The following ABRAXAS2 variants were observed in gnomAD, a reference collection of about 807,000 sequenced individuals.
ABRAXAS2 encodes BRISC complex subunit Abraxas 2.
Under a neutral mutation model 49.0 loss-of-function variants are expected in ABRAXAS2, and 23 were observed. That is an observed-to-expected ratio of 0.47 (90% CI 0.34 to 0.66). ABRAXAS2 has a LOEUF of 0.66. ABRAXAS2 is among the 30% of genes least tolerant of loss of function. ABRAXAS2 has a pLI of 0.01. For missense variants in ABRAXAS2, 443 were observed against 511.9 expected, an observed-to-expected ratio of 0.87 and a Z score of 1.30; for synonymous variants, 168 against 180.2, an observed-to-expected ratio of 0.93 and a Z score of 0.54.
At position 124,834,574 on chromosome 10, in the gene ABRAXAS2, C is replaced by T. The variant is rs138211136; in HGVS notation, c.851C>T (p.Pro284Leu). Residue 284 changes from proline to leucine, a missense_variant, in exon 9 of 9, where the codon CCG (proline) becomes CTG (leucine). Physicochemically the swap from Pro to Leu is moderately conservative, Grantham distance 98. This residue lies in a region of ABRAXAS2 where 230 missense variants were observed against 237.0 expected (regional missense o/e 0.97). Coordinates refer to ENST00000298492, the MANE Select transcript of ABRAXAS2 (RefSeq NM_032182.4). ...SLDPAFSPRM[P>L]SSGFAAEGRS... The stretch of plus-strand genomic sequence containing the variant: ...GACCCAGCGTTCAGTCCTCGGATGC[C>T]GTCCTCTGGGTTTGCAGCTGAAGGC... The T allele has an allele frequency of 4.4e-4, 703 of 1,614,162 alleles. No individual in the cohort carries two copies. The highest frequency in any genetic ancestry group is 5.6e-4 in the Non-Finnish European group (655 of 1,180,042).
chr10:124,821,914 T>G (rs1387487681), intron 4 of ABRAXAS2, among the ~76,000 whole-genome samples: 2 of 152,206 alleles, frequency 1.3e-5, no homozygotes, highest in Non-Finnish European at 2.9e-5. Flanking sequence ...GAACTCTGTG[T>G]GGGGGCATGT....
chr10:124,810,353 CTG>C (rs1427840105), intron 2 of ABRAXAS2, among the ~76,000 whole-genome samples: 1 of 152,124 alleles, frequency 6.6e-6, no homozygotes, highest in Non-Finnish European at 1.5e-5. Context: ...TGGCGAGACC[CTG>C]TCTCTACAAG....
intron 4 of ABRAXAS2, among the ~76,000 whole-genome samples, chr10:124,826,256 CTTCT>C (rs571151039): frequency 1.1e-3 from 168 of 152,250 alleles, no homozygotes; most frequent in Non-Finnish European, 1.6e-3. Flanking sequence ...AACCACTGAT[CTTCT>C]TTATGTCACT....
chr10:124,835,434 C>T lies in ABRAXAS2; in HGVS notation c.*463C>T, dbSNP rs965828219. On this transcript the variant is annotated 3_prime_UTR_variant, in exon 9 of 9. Transcript: ENST00000298492. ...TCTTTCTATGATGAGCCAAATTCATCTTTGCCAGAAAAGAAATTTTGATAA... is the reference window on the plus strand; with the variant it reads ...TCTTTCTATGATGAGCCAAATTCATTTTTGCCAGAAAAGAAATTTTGATAA... The T allele has an allele frequency of 1.3e-5, 2 of 153,406 alleles. No individual in the cohort carries two copies. The highest frequency in any genetic ancestry group is 4.8e-5 in the African/African-American group (2 of 41,468). 9.5% of individuals were successfully genotyped at this position (153,406 alleles called of 1,614,324 possible). A position where few individuals can be genotyped will look rare whatever the true frequency, so the allele number is the denominator to read the frequency against.
chr10:124,811,805 C>T (rs61872094), intron 2 of ABRAXAS2, among the ~76,000 whole-genome samples: 94,502 of 152,002 alleles, frequency 0.62, 30,656 homozygotes, highest in Admixed American at 0.75. Context: ...GACGGAGTTT[C>T]GCTTTTGTTG....
chr10:124,803,597 A>G (rs1442899494), intron 1 of ABRAXAS2, among the ~76,000 whole-genome samples: 1 of 152,208 alleles, frequency 6.6e-6, no homozygotes, highest in Non-Finnish European at 1.5e-5. Context: ...TATAGACAAT[A>G]AAAGATTCAA....
intron 1 of ABRAXAS2, among the ~76,000 whole-genome samples, chr10:124,802,525 G>A (rs1157853835): frequency 6.6e-6 from 1 of 152,182 alleles, no homozygotes; most frequent in African/African-American, 2.4e-5. Flanking sequence ...ACTAGTCACA[G>A]TGAAATAGGG....
intron 4 of ABRAXAS2, among the ~76,000 whole-genome samples, chr10:124,822,611 G>T (rs1378994480): frequency 2.0e-5 from 3 of 152,096 alleles, no homozygotes; most frequent in Non-Finnish European, 1.5e-5. Context: ...TGGCTGACAT[G>T]GCAAAACCCT....
chr10:124,834,305 G>T (rs1335725453), intron 8 of ABRAXAS2, among the ~76,000 whole-genome samples, 197 bp from the exon 9 acceptor site: 2 of 152,130 alleles, frequency 1.3e-5, no homozygotes, highest in Non-Finnish European at 2.9e-5. Flanking sequence ...ATTTGTCATG[G>T]CCTTAAATGA....
chr10:124,822,417 A>G (rs1360590230), intron 4 of ABRAXAS2, among the ~76,000 whole-genome samples: 4 of 152,208 alleles, frequency 2.6e-5, no homozygotes, highest in African/African-American at 4.8e-5. Flanking sequence ...GCAGGTATCT[A>G]TTGATGAAGG....
At chr10:124,827,669 A>G (rs1950905332) in intron 5 of ABRAXAS2, among the ~76,000 whole-genome samples, 2 of 152,088 alleles carry the variant, frequency 1.3e-5, no homozygotes, top group Admixed American at 1.3e-4. Context: ...TATAATTTTG[A>G]AACATAAATT....
intron 3 of ABRAXAS2, among the ~76,000 whole-genome samples, chr10:124,816,896 T>C (rs1293812892): frequency 1.3e-5 from 2 of 152,210 alleles, no homozygotes; most frequent in African/African-American, 4.8e-5. Context: ...ATTCAAAGGA[T>C]GTTCTTAACG....
In ABRAXAS2 at chr10:124,801,847, G is replaced by T; in HGVS notation, c.18G>T (p.Ser6=). 6.2e-7 allele frequency: 1 copy of T among 1,613,500 alleles called. No individual in the cohort carries two copies. Among genetic ancestry groups the T allele is most frequent in the Non-Finnish European group, 8.5e-7 (1 of 1,179,818 alleles). ...TTTCCATCATGGCGGCGTCCATTTC[G>T]GGCTACACCTTCAGTGCTGTGTGTT... The part of the protein sequence containing the change: MAASI[S]GYTFSAVCFH... Residue 6 remains serine (S), a synonymous_variant, in exon 1 of 9, where the codon TCG becomes TCT. Transcript: ENST00000298492.
At chr10:124,809,862 C>T (rs1409373187) in intron 2 of ABRAXAS2, among the ~76,000 whole-genome samples, 1 of 151,604 alleles carries the variant, frequency 6.6e-6, no homozygotes, top group Non-Finnish European at 1.5e-5. Flanking sequence ...AAGCGATTCT[C>T]CTGCCTCAGC....
chr10:124,821,891 T>TAACTGAACA (rs1432039818), intron 4 of ABRAXAS2, among the ~76,000 whole-genome samples: 1 of 152,234 alleles, frequency 6.6e-6, no homozygotes, highest in East Asian at 1.9e-4. Flanking sequence ...CAACCTGGAA[T>TAACTGAACA]AACTGAACAC....
intron 8 of ABRAXAS2, among the ~76,000 whole-genome samples, chr10:124,833,703 G>A (rs973255798): frequency 5.3e-5 from 8 of 152,086 alleles, no homozygotes; most frequent in African/African-American, 1.9e-4. Flanking sequence ...ATTGTGGGCA[G>A]CTTTTATTTT....
intron 7 of ABRAXAS2, among the ~76,000 whole-genome samples, chr10:124,829,715 GC>G (rs1276225437): frequency 6.6e-6 from 1 of 152,170 alleles, no homozygotes; most frequent in Non-Finnish European, 1.5e-5. Flanking sequence ...AATACTTACA[GC>G]CCCATTTGTG....
At chr10:124,828,271 C>T (rs887931961) in intron 5 of ABRAXAS2, among the ~76,000 whole-genome samples, 3 of 152,194 alleles carry the variant, frequency 2.0e-5, no homozygotes, top group Admixed American at 2.0e-4. Context: ...TCATATTTCA[C>T]TGCCACCTTG....
intron 3 of ABRAXAS2, among the ~76,000 whole-genome samples, chr10:124,818,418 A>G (rs1271378898): frequency 6.6e-6 from 1 of 151,242 alleles, no homozygotes; most frequent in African/African-American, 2.4e-5. Context: ...AAAAAAAAAG[A>G]TTAGACTCAG....
Sources: gnomAD v4.1 joint callset for allele counts (sites outside exome capture counted in the v4.1 genomes callset) on GRCh38, gnomAD v4.1.1 for gene constraint, gnomAD v4.1.1 regional missense constraint, MANE v1.5 for transcripts, NCBI Gene and HGNC (gene_info 2026-07-23, HGNC 2026-07-21) for gene names.